Variants in CCSER2 observed in about 807,000 individuals in gnomAD.
CCSER2 encodes the protein coiled-coil serine rich protein 2, also known as serine-rich coiled-coil domain-containing protein 2.
CCSER2 carries 46 observed loss-of-function variants against 92.3 expected under a neutral mutation model. The ratio of observed to expected loss-of-function variants is 0.50; its 90% CI spans 0.39 to 0.64. The LOEUF is 0.64. Ranked by LOEUF, CCSER2 falls within the 30% of genes least tolerant of loss-of-function variation. CCSER2 has a pLI of 0.00. For synonymous variants in CCSER2, 433 were observed against 431.4 expected (o/e 1.00, Z -0.04); for missense variants, 1,244 against 1,238.9 (o/e 1.00, Z -0.06).
intron 3 of CCSER2, among the ~76,000 whole-genome samples, chr10:84,397,688 A>T (rs1044635191): frequency 6.6e-6 from 1 of 152,234 alleles, no homozygotes; most frequent in Admixed American, 6.5e-5. Flanking sequence ...AAAAGGCTTA[A>T]GTAAAGTCCA....
chr10:84,371,643 C>T lies in CCSER2; in HGVS notation c.591C>T (p.Ser197=). Residue 197 remains serine, a synonymous_variant, in exon 2 of 10, where the codon AGC becomes AGT. Coordinates refer to ENST00000372088, the MANE Select transcript of CCSER2 (RefSeq NM_001284240.2). ...RPRANSCATR[S]SSGESLAQSP... ...GAGCGAACTCCTGTGCCACCAGAAG[C>T]AGTTCTGGAGAAAGCTTAGCTCAAT... The T allele has an allele frequency of 6.2e-7, 1 of 1,612,460 alleles. No individual in the cohort carries two copies.
At chr10:84,382,844 CT>C (rs1287789146) in intron 3 of CCSER2, among the ~76,000 whole-genome samples, 1 of 152,186 alleles carries the variant, frequency 6.6e-6, no homozygotes, top group Non-Finnish European at 1.5e-5. Flanking sequence ...TTCTTGTTCA[CT>C]TTAAAAGGTA....
chr10:84,511,336 G>A (rs1485758111), intron 9 of CCSER2, among the ~76,000 whole-genome samples: 4 of 152,080 alleles, frequency 2.6e-5, no homozygotes, highest in Non-Finnish European at 5.9e-5. Flanking sequence ...CAGTACAAGT[G>A]GTGAGTACAA....
chr10:84,456,313 GAT>G (rs1285063003), intron 6 of CCSER2, among the ~76,000 whole-genome samples: 1 of 152,140 alleles, frequency 6.6e-6, no homozygotes, highest in African/African-American at 2.4e-5. Flanking sequence ...AAATGGATAT[GAT>G]ATAGCCTTTT....
At chr10:84,446,250 T>A (rs1317376163) in intron 6 of CCSER2, among the ~76,000 whole-genome samples, 1 of 152,230 alleles carries the variant, frequency 6.6e-6, no homozygotes. Context: ...TTATGTCTAC[T>A]TCAGGATGCT....
At chr10:84,447,140 A>G (rs1589690073) in intron 6 of CCSER2, among the ~76,000 whole-genome samples, 1 of 152,034 alleles carries the variant, frequency 6.6e-6, no homozygotes, top group East Asian at 1.9e-4. Flanking sequence ...CTGAGTCCTG[A>G]AGCATGGAAA....
At chr10:84,507,359 C>T in intron 9 of CCSER2, 1 of 976,790 alleles carries the variant, frequency 1.0e-6, no homozygotes, top group Non-Finnish European at 1.2e-6. Context: ...GGATTTTTTC[C>T]TACCACCTTC....
chr10:84,444,176 G>A (rs555063539), intron 6 of CCSER2, among the ~76,000 whole-genome samples: 6 of 152,080 alleles, frequency 3.9e-5, no homozygotes, highest in Non-Finnish European at 8.8e-5. Context: ...CTAGAGAAGA[G>A]GCAGAAGACA....
At chr10:84,434,439 AT>A (rs898974649) in intron 5 of CCSER2, among the ~76,000 whole-genome samples, 58 of 151,512 alleles carry the variant, frequency 3.8e-4, no homozygotes, top group Non-Finnish European at 1.3e-4. Context: ...TGTTATATTG[AT>A]TTTTTTCCCC....
rs1490157440 is a variant in CCSER2 at position 84,372,350 on chromosome 10, A to G, written c.1298A>G (p.Glu433Gly). 3.1e-6 allele frequency: 5 copies of G among 1,612,116 alleles called. No homozygotes were observed. The highest frequency in any genetic ancestry group is 4.2e-6 in the Non-Finnish European group (5 of 1,178,704). Reference protein sequence around the residue: ...DSNRTRITPEEMSLKEEKHEN... With the variant: ...DSNRTRITPEGMSLKEEKHEN... ...AACAGAACTAGAATAACTCCAGAGGAAATGTCTCTCAAAGAAGAGAAACAT... is the reference window on the plus strand; with the variant it reads ...AACAGAACTAGAATAACTCCAGAGGGAATGTCTCTCAAAGAAGAGAAACAT... Residue 433 changes from glutamate (E) to glycine (G), a missense_variant, in exon 2 of 10, where the codon GAA becomes GGA. Coordinates refer to ENST00000372088, the MANE Select transcript of CCSER2 (RefSeq NM_001284240.2).
At chr10:84,457,545 A>T (rs1176445728) in intron 6 of CCSER2, among the ~76,000 whole-genome samples, 1 of 118,386 alleles carries the variant, frequency 8.4e-6, no homozygotes, top group Non-Finnish European at 1.6e-5. Context: ...AATTATATAT[A>T]ATGTATATTA....
At chr10:84,343,965 A>C (rs1304800178) in intron 1 of CCSER2, among the ~76,000 whole-genome samples, 1 of 152,232 alleles carries the variant, frequency 6.6e-6, no homozygotes, top group Non-Finnish European at 1.5e-5. Flanking sequence ...TTTAATTGTC[A>C]GTTAATACCC....
rs1401635246 is a variant in CCSER2, at chr10:84,332,436, A to ATATATATATTT, written c.-40+3629_-40+3630insATATATATTTT. ...TTTATATATATATATATATATATAT[A>ATATATATATTT]TTTTTTTTTTTTTTTTTTTTTGAGA... On this transcript the variant is annotated intron_variant, in intron 1 of 9. Transcript: ENST00000372088. Among the ~76,000 whole-genome samples, 114 of 55,204 alleles carry ATATATATATTT rather than the reference A, an allele frequency of 2.1e-3. 2 individuals carry two copies. Among genetic ancestry groups the ATATATATATTT allele is most frequent in the African/African-American group, 0.013 (111 of 8,690 alleles). 36.2% of individuals were successfully genotyped at this position (55,204 alleles called of 152,430 possible).
chr10:84,336,823 C>T lies in CCSER2; in HGVS notation c.-40+8015C>T, dbSNP rs550533735. On this transcript the variant is annotated intron_variant, in intron 1 of 9. Transcript: ENST00000372088. ...GCGCATAATGAGATTATTTAGCAGG[C>T]GCAGCAGTAATCCTAAGTGGGAGAT... Among the ~76,000 whole-genome samples, 319 of 149,420 alleles carry T rather than the reference C, an allele frequency of 2.1e-3. 2 individuals are homozygous for T. Among genetic ancestry groups the T allele is most frequent in the South Asian group, 0.017 (83 of 4,820 alleles).
At chr10:84,495,246 T>C (rs1008288298) in intron 9 of CCSER2, among the ~76,000 whole-genome samples, 1 of 151,960 alleles carries the variant, frequency 6.6e-6, no homozygotes, top group Non-Finnish European at 1.5e-5. Flanking sequence ...TGAATGTTAG[T>C]ATCCAAGTGT....
chr10:84,511,428 T>C (rs1197616221), intron 9 of CCSER2, among the ~76,000 whole-genome samples: 1 of 152,218 alleles, frequency 6.6e-6, no homozygotes, highest in African/African-American at 2.4e-5. Context: ...GTTTATTACC[T>C]GTCTTAATTG....
In CCSER2 at chr10:84,514,546, C is replaced by T. The variant is rs11915; in HGVS notation, c.*279C>T. On this transcript the variant is annotated 3_prime_UTR_variant, in exon 10 of 10. Coordinates refer to ENST00000372088, the MANE Select transcript of CCSER2 (RefSeq NM_001284240.2). ...AAATCATGTTATCCATCCCTCTCCA[C>T]GTCAGAAAATTCATAATATTTTACT... is the stretch of plus-strand genomic sequence containing the variant. 1.7e-5 allele frequency: 7 copies of T among 403,222 alleles called. No homozygotes were observed. Among genetic ancestry groups the T allele is most frequent in the African/African-American group, 6.2e-5 (3 of 48,502 alleles). The allele number at this position is 403,222 out of a possible 1,614,324, so 25.0% of individuals were successfully genotyped here.
At chr10:84,411,319 T>C (rs560302091) in intron 3 of CCSER2, among the ~76,000 whole-genome samples, 1 of 152,298 alleles carries the variant, frequency 6.6e-6, no homozygotes, top group African/African-American at 2.4e-5. Context: ...TAAAATAGTT[T>C]TTTTCTAATT....
chr10:84,447,377 T>C (rs1357249426), intron 6 of CCSER2, among the ~76,000 whole-genome samples: 1 of 152,222 alleles, frequency 6.6e-6, no homozygotes, highest in Admixed American at 6.5e-5. Flanking sequence ...GTTTATGGAA[T>C]GTTTGTTGCC....
Sources: gnomAD v4.1 joint callset for allele counts (sites outside exome capture counted in the v4.1 genomes callset) on GRCh38, gnomAD v4.1.1 for gene constraint, MANE v1.5 for transcripts, NCBI Gene and HGNC (gene_info 2026-07-23, HGNC 2026-07-21) for gene names.